Variants in KIF16B observed in about 807,000 individuals in gnomAD.
KIF16B encodes kinesin-like protein KIF16B.
A neutral mutation model predicts 156.3 loss-of-function variants in KIF16B; 98 were observed. That is an observed-to-expected ratio of 0.63 (90% CI 0.53 to 0.74). The LOEUF (loss-of-function observed/expected upper bound fraction) is 0.74, where lower values mean the gene tolerates loss of function less well. Among genes scored for constraint, KIF16B ranks in the 30% least tolerant of loss-of-function variants. The pLI is 0.00. For synonymous variants in KIF16B, 564 were observed against 583.7 expected (o/e 0.97, Z 0.49); for missense variants, 1,421 against 1,606.5 (o/e 0.88, Z 1.97).
intron 17 of KIF16B, among the ~76,000 whole-genome samples, chr20:16,387,387 G>T (rs1407126649): frequency 6.6e-6 from 1 of 152,140 alleles, no homozygotes; most frequent in African/African-American, 2.4e-5. Flanking sequence ...AATGGTTCTA[G>T]AATCAATGAG....
At chr20:16,534,739 GT>G (rs2069890099) in intron 1 of KIF16B, among the ~76,000 whole-genome samples, 1 of 151,998 alleles carries the variant, frequency 6.6e-6, no homozygotes, top group South Asian at 2.1e-4. Flanking sequence ...TTCTTATCCA[GT>G]TTTCCCAGCA....
intron 1 of KIF16B, among the ~76,000 whole-genome samples, chr20:16,530,953 G>A (rs553602635): frequency 4.6e-5 from 7 of 152,024 alleles, no homozygotes; most frequent in East Asian, 3.9e-4. Context: ...CACCCGCCTC[G>A]ACCTCCCAAA....
intron 15 of KIF16B, among the ~76,000 whole-genome samples, chr20:16,410,204 G>T (rs1600321844): frequency 7.3e-6 from 1 of 136,166 alleles, no homozygotes; most frequent in Admixed American, 7.4e-5. Context: ...CATATATGTA[G>T]GTACATATAC....
At chr20:16,357,123 G>T (rs907290868) in intron 22 of KIF16B, among the ~76,000 whole-genome samples, 1 of 152,142 alleles carries the variant, frequency 6.6e-6, no homozygotes. Context: ...AGTGTGAATC[G>T]GAAGAAATCT....
At chr20:16,334,387 C>A (rs140001098) in intron 24 of KIF16B, among the ~76,000 whole-genome samples, 3 of 152,172 alleles carry the variant, frequency 2.0e-5, no homozygotes, top group Non-Finnish European at 4.4e-5. Context: ...ATTTCAGCCA[C>A]GAAAATTAAA....
rs543239051 is a variant in KIF16B at position 16,369,207 on chromosome 20, G to A, written c.3498+1379C>T. ...TCTCCTCTTTAATGAGGCTGGAAGT[G>A]TCAGTGGCATCTCTGGGCAGAAGCG... On this transcript the variant is annotated intron_variant, in intron 22 of 25. Coordinates refer to ENST00000354981, the MANE Select transcript of KIF16B (RefSeq NM_024704.5). 5.1e-6 allele frequency: 5 copies of A among 985,854 alleles called. No homozygotes were observed. In the African/African-American group the frequency reaches 5.2e-5, roughly 10 times the overall value. The allele number at this position is 985,854 out of a possible 1,614,324, so 61.1% of individuals were successfully genotyped here.
rs115217432 is a variant in KIF16B at position 16,540,399 on chromosome 20, A to C, written c.48-11959T>G. Among the ~76,000 whole-genome samples the C allele has an allele frequency of 4.1e-3, 630 of 152,332 alleles. 8 individuals carry two copies. Among genetic ancestry groups the C allele is most frequent in the African/African-American group, 0.014 (598 of 41,566 alleles). On this transcript the variant is annotated intron_variant, in intron 1 of 25. Coordinates refer to ENST00000354981, the MANE Select transcript of KIF16B (RefSeq NM_024704.5). The stretch of plus-strand genomic sequence containing the variant: ...TTGATATTCCTTCTACAGTTAAAAT[A>C]AATTTAGTTAATTAAAAGACAAAAA...
At chr20:16,422,112 G>A (rs1281095251) in intron 15 of KIF16B, among the ~76,000 whole-genome samples, 6 of 152,214 alleles carry the variant, frequency 3.9e-5, no homozygotes, top group East Asian at 3.9e-4. Context: ...AAAATACTGC[G>A]TGGGAGATAC....
chr20:16,527,664 T>C (rs1263094296), intron 2 of KIF16B, among the ~76,000 whole-genome samples: 1 of 152,134 alleles, frequency 6.6e-6, no homozygotes, highest in Non-Finnish European at 1.5e-5. Flanking sequence ...GTAGCCTTGA[T>C]CTCCTGGGCT....
intron 24 of KIF16B, among the ~76,000 whole-genome samples, chr20:16,333,705 A>C (rs2063987953): frequency 6.6e-6 from 1 of 152,204 alleles, no homozygotes; most frequent in South Asian, 2.1e-4. Context: ...ATATCTTTAA[A>C]GATTGTTTCT....
chr20:16,375,811 C>CACAG (rs1344151241), intron 19 of KIF16B, among the ~76,000 whole-genome samples: 1 of 152,092 alleles, frequency 6.6e-6, no homozygotes, highest in Non-Finnish European at 1.5e-5. Context: ...GAAAAGACTC[C>CACAG]ACAGAGCAAA....
chr20:16,357,391 T>C (rs761116687), intron 22 of KIF16B, among the ~76,000 whole-genome samples: 26 of 152,258 alleles, frequency 1.7e-4, no homozygotes, highest in Non-Finnish European at 2.8e-4. Flanking sequence ...GCTCACTTGA[T>C]GGAGGTATGG....
At chr20:16,426,285 A>C (rs942819873) in intron 15 of KIF16B, among the ~76,000 whole-genome samples, 2 of 152,148 alleles carry the variant, frequency 1.3e-5, no homozygotes, top group Non-Finnish European at 2.9e-5. Context: ...ACAGAGCCAA[A>C]CCATATCAAC....
intron 1 of KIF16B, among the ~76,000 whole-genome samples, chr20:16,563,482 G>A (rs1242096687): frequency 6.6e-6 from 1 of 152,130 alleles, no homozygotes; most frequent in Non-Finnish European, 1.5e-5. Flanking sequence ...TCAGTAAGAT[G>A]GCATCCCAAT....
At chr20:16,527,785 A>G (rs1160407971) in intron 2 of KIF16B, among the ~76,000 whole-genome samples, 1 of 152,150 alleles carries the variant, frequency 6.6e-6, no homozygotes, top group Non-Finnish European at 1.5e-5. Flanking sequence ...TACCCTCCTC[A>G]GCGAAAAGCA....
intron 3 of KIF16B, among the ~76,000 whole-genome samples, chr20:16,525,213 T>C (rs1257266491): frequency 6.6e-6 from 1 of 152,150 alleles, no homozygotes; most frequent in Non-Finnish European, 1.5e-5. Flanking sequence ...CACTTTTTCA[T>C]ACCCTACTTT....
chr20:16,453,354 T>C (rs12480692), intron 12 of KIF16B, among the ~76,000 whole-genome samples: 44,140 of 151,892 alleles, frequency 0.29, 6,687 homozygotes, highest in African/African-American at 0.35. Context: ...CTAATTATAA[T>C]TCAAACTCCA....
Position 16,414,705 on chromosome 20 carries a change from C to T in KIF16B, c.1613-8249G>A, listed in dbSNP as rs1002384912. Among the ~76,000 whole-genome samples, 4 of 152,164 alleles carry T rather than the reference C, an allele frequency of 2.6e-5. No individual in the cohort carries two copies. In the South Asian group the frequency reaches 6.2e-4, roughly 24 times the overall value. Reference sequence around the variant, plus strand: ...TTTCGAGATGCTCCAGTCCCATACCCAAAGACATTTTTAGATGTGTGTGTC... The same window carrying T: ...TTTCGAGATGCTCCAGTCCCATACCTAAAGACATTTTTAGATGTGTGTGTC... On this transcript the variant is annotated intron_variant, in intron 15 of 25. Transcript: ENST00000354981.
intron 12 of KIF16B, among the ~76,000 whole-genome samples, chr20:16,450,249 T>C (rs946232984): frequency 1.3e-5 from 2 of 152,154 alleles, no homozygotes; most frequent in African/African-American, 4.8e-5. Context: ...CACAAATACC[T>C]ATACACACGC....
Sources: allele counts gnomAD v4.1 joint callset (sites outside exome capture counted in the v4.1 genomes callset), GRCh38; gene constraint gnomAD v4.1.1; transcripts MANE v1.5; gene names NCBI Gene and HGNC (gene_info 2026-07-23, HGNC 2026-07-21).